Variants in RBM43 observed in about 807,000 individuals in gnomAD.
The protein encoded by RBM43 is RNA binding motif protein 43, also known as RNA-binding protein 43.
In RBM43, 12 loss-of-function variants were observed where a neutral mutation model predicts 12.4. That is an observed-to-expected ratio of 0.97 (90% CI 0.62 to 1.57). The LOEUF is 1.57. Ranked by LOEUF, RBM43 falls within the 40% of genes most tolerant of loss-of-function variation. The probability of loss-of-function intolerance (pLI) is 0.00; values close to 1 mark genes in which losing one functional copy is unlikely to be tolerated. For missense variants in RBM43, 348 were observed against 400.1 expected (o/e 0.87, Z 1.11); for synonymous variants, 138 against 145.7 (o/e 0.95, Z 0.38).
rs1460244864 is a variant in RBM43 at position 151,249,380 on chromosome 2, T to A, written c.*1526A>T. 6.9e-6 allele frequency: 1 copy of A among 145,232 alleles called. No homozygotes were observed. Among genetic ancestry groups the A allele is most frequent in the Non-Finnish European group, 1.5e-5 (1 of 66,218 alleles). 9.0% of individuals were successfully genotyped at this position (145,232 alleles called of 1,614,324 possible). On this transcript the variant is annotated 3_prime_UTR_variant, in exon 4 of 4. Coordinates refer to ENST00000331426, the MANE Select transcript of RBM43 (RefSeq NM_198557.3). The stretch of plus-strand genomic sequence containing the variant: ...ATGTTACTTGTGGTCTTTCTTTTTT[T>A]TTTTTTTTTTTTTTTGAGACGGAGT...
At chr2:151,261,443 T>A (rs2271813) in intron 1 of RBM43, 2 of 1,550,538 alleles carry the variant, frequency 1.3e-6, no homozygotes, top group Admixed American at 2.0e-5. Context: ...AGCCTAGTCC[T>A]GAGCCTCTGG....
chr2:151,260,793 A>G (rs1277550836), intron 1 of RBM43, among the ~76,000 whole-genome samples: 1 of 152,232 alleles, frequency 6.6e-6, no homozygotes, highest in Non-Finnish European at 1.5e-5. Flanking sequence ...ATGCCTAGAG[A>G]AAGACAGTCC....
intron 1 of RBM43, chr2:151,261,380 C>T (rs750122031): frequency 1.1e-5 from 17 of 1,550,522 alleles, no homozygotes; most frequent in Non-Finnish European, 1.5e-5. Context: ...CGAAGCAGCT[C>T]CTCGACGAAC....
chr2:151,254,718 A>T (rs1682949764), intron 2 of RBM43, among the ~76,000 whole-genome samples: 1 of 152,156 alleles, frequency 6.6e-6, no homozygotes, highest in Non-Finnish European at 1.5e-5. Context: ...TCACCATCTA[A>T]GTCAGGGATT....
At chr2:151,255,807 A>C in intron 1 of RBM43, 64 bp from the exon 2 acceptor site, 2 of 1,138,680 alleles carry the variant, frequency 1.8e-6, no homozygotes, top group Admixed American at 1.8e-5. Flanking sequence ...AGATGACATC[A>C]CACTTCAGTG....
At position 151,261,584 on chromosome 2, in the gene RBM43, T is replaced by TG. The variant is rs1030077232; in HGVS notation, c.3+140dup. ...GGCTCTCCGGGGCCCCCGGGGTCCC[T>TG]GGGGCCCCTCCGTGCGCCGCCCCCT... is the stretch of plus-strand genomic sequence containing the variant. On this transcript the variant is annotated intron_variant, in intron 1 of 3. Transcript: ENST00000331426. 18 of 1,537,238 alleles carry TG rather than the reference T, an allele frequency of 1.2e-5. No homozygotes were observed. In the African/African-American group the frequency reaches 1.5e-4, roughly 13 times the overall value.
At chr2:151,259,219 G>A (rs551520434) in intron 1 of RBM43, among the ~76,000 whole-genome samples, 10 of 151,946 alleles carry the variant, frequency 6.6e-5, no homozygotes, top group African/African-American at 9.7e-5. Flanking sequence ...TCCTAGAAGT[G>A]GAAAAGGAAA....
At chr2:151,261,246 C>G in intron 1 of RBM43, 1 of 1,543,302 alleles carries the variant, frequency 6.5e-7, no homozygotes, top group Non-Finnish European at 8.8e-7. Flanking sequence ...GACTTGCGTC[C>G]TTGGCTCGAA....
intron 1 of RBM43, among the ~76,000 whole-genome samples, chr2:151,260,101 T>C (rs983966765): frequency 1.3e-5 from 2 of 151,324 alleles, no homozygotes; most frequent in African/African-American, 4.9e-5. Context: ...CCTGACCTCG[T>C]GATCCGCTCC....
chr2:151,250,973 C>G lies in RBM43; in HGVS notation c.1007G>C (p.Gly336Ala). 1.9e-6 allele frequency: 3 copies of G among 1,612,348 alleles called. No individual in the cohort carries two copies. The highest frequency in any genetic ancestry group is 2.5e-6 in the Non-Finnish European group (3 of 1,179,010). The change falls in exon 4 of 4, where the codon GGA becomes GCA. Residue 336 changes from glycine (G) to alanine (A), a missense_variant. By Grantham distance (60) the Gly-to-Ala change is moderately conservative. Coordinates refer to ENST00000331426, the MANE Select transcript of RBM43 (RefSeq NM_198557.3). ...NLYRTHIDII[G>A]SSSDTYLFKK... ...AAACAGGTAAGTGTCAGAAGAAGAT[C>G]CTATAATGTCAATGTGTGTCCTATA...
chr2:151,251,665 C>G lies in RBM43; in HGVS notation c.316-1G>C. ...GGATGGCATTTACAGAGCTGAAGAT[C>G]TGAAATTAAAAAGAGAGAAATGAAA... On this transcript the variant is annotated splice_acceptor_variant, in intron 3 of 3. Transcript: ENST00000331426. LOFTEE classifies it high-confidence loss of function. 6.2e-7 allele frequency: 1 copy of G among 1,600,040 alleles called. No individual in the cohort carries two copies. Among genetic ancestry groups the G allele is most frequent in the Non-Finnish European group, 8.5e-7 (1 of 1,175,880 alleles).
Position 151,250,986 on chromosome 2 carries a change from T to A in RBM43, c.994A>T (p.Ile332Phe). ...TCAGAAGAAGATCCTATAATGTCAA[T>A]GTGTGTCCTATAAAGGTTAATCAGG... The part of the protein sequence containing the change: ...EVLINLYRTH[I>F]DIIGSSSDTY... The change falls in exon 4 of 4, where the codon ATT (isoleucine) becomes TTT (phenylalanine). Residue 332 changes from isoleucine (I) to phenylalanine (F), a missense_variant. Coordinates refer to ENST00000331426, the MANE Select transcript of RBM43 (RefSeq NM_198557.3). The A allele has an allele frequency of 6.2e-7, 1 of 1,613,216 alleles. No homozygotes were observed. The highest frequency in any genetic ancestry group is 8.5e-7 in the Non-Finnish European group (1 of 1,179,240).
rs759726104 is a variant in RBM43, at chr2:151,250,868, G to A, written c.*38C>T. On this transcript the variant is annotated 3_prime_UTR_variant, in exon 4 of 4. Coordinates refer to ENST00000331426, the MANE Select transcript of RBM43 (RefSeq NM_198557.3). ...CATGGCAATGGTCACTGCTCAGCAA[G>A]AGAAAGCAGCCCTTATGACTATATT... is the stretch of plus-strand genomic sequence containing the variant. The A allele has an allele frequency of 4.7e-6, 7 of 1,484,484 alleles. No homozygotes were observed. In the South Asian group the frequency reaches 9.3e-5, roughly 20 times the overall value. 92.0% of individuals were successfully genotyped at this position (1,484,484 alleles called of 1,614,324 possible).
intron 1 of RBM43, among the ~76,000 whole-genome samples, chr2:151,257,329 C>A (rs796439984): frequency 2.0e-5 from 3 of 149,210 alleles, no homozygotes; most frequent in African/African-American, 7.7e-5. Context: ...CACACACACA[C>A]ACAAACACAC....
chr2:151,253,749 G>A (rs901983832), intron 2 of RBM43, among the ~76,000 whole-genome samples: 7 of 152,040 alleles, frequency 4.6e-5, no homozygotes, highest in African/African-American at 1.7e-4. Flanking sequence ...AGCAGTTACT[G>A]AGCATAAACT....
chr2:151,258,656 G>A (rs1181309702), intron 1 of RBM43, among the ~76,000 whole-genome samples: 1 of 152,040 alleles, frequency 6.6e-6, no homozygotes, highest in Non-Finnish European at 1.5e-5. Flanking sequence ...AGCCAGGATG[G>A]CACCACTGCA....
At position 151,251,124 on chromosome 2, in the gene RBM43, C is replaced by A; in HGVS notation, c.856G>T (p.Ala286Ser). 6.2e-7 allele frequency: 1 copy of A among 1,613,436 alleles called. No homozygotes were observed. Residue 286 changes from alanine to serine, a missense_variant, in exon 4 of 4, where the codon GCT (alanine) becomes TCT (serine). Transcript: ENST00000331426. ...VKELIEEWSH[A>S]LYLKLRKETF... is the part of the protein sequence containing the mutation. ...TCTTTTCTAAGCTTTAAGTAAAGAG[C>A]ATGTGACCATTCCTCAATGAGCTCT...
At chr2:151,259,214 G>T (rs2105193834) in intron 1 of RBM43, among the ~76,000 whole-genome samples, 1 of 151,998 alleles carries the variant, frequency 6.6e-6, no homozygotes, top group Non-Finnish European at 1.5e-5. Context: ...CATTTTCCTA[G>T]AAGTGGAAAA....
rs1371393847 is a variant in RBM43, at chr2:151,248,515, T to G, written c.*2391A>C. ...GTTTCAGCCACCTTTGAGACAGTAT[T>G]TTTTAACAAGGCAATATTTGTATCC... On this transcript the variant is annotated 3_prime_UTR_variant, in exon 4 of 4. Transcript: ENST00000331426. 1 of 152,224 alleles carries G rather than the reference T, an allele frequency of 6.6e-6. No individual in the cohort carries two copies. The highest frequency in any genetic ancestry group is 2.4e-5 in the African/African-American group (1 of 41,458). 9.4% of individuals were successfully genotyped at this position (152,224 alleles called of 1,614,324 possible). A position where few individuals can be genotyped will look rare whatever the true frequency, so the allele number is the denominator to read the frequency against.
Sources: allele counts gnomAD v4.1 joint callset (sites outside exome capture counted in the v4.1 genomes callset), GRCh38; gene constraint gnomAD v4.1.1; transcripts MANE v1.5; gene names NCBI Gene and HGNC (gene_info 2026-07-23, HGNC 2026-07-21).